The following DSCAM variants were observed in gnomAD, a reference collection of about 807,000 sequenced individuals.
The protein encoded by DSCAM is DS cell adhesion molecule.
Under a neutral mutation model 217.7 loss-of-function variants are expected in DSCAM, and 47 were observed. That is an observed-to-expected ratio of 0.22 (90% CI 0.17 to 0.28). The LOEUF (loss-of-function observed/expected upper bound fraction) is 0.28, where lower values mean the gene tolerates loss of function less well. DSCAM is among the 10% of genes least tolerant of loss of function. The pLI is 1.00. For synonymous variants in DSCAM, 1,056 were observed against 1,015.3 expected (o/e 1.04, Z -0.76); for missense variants, 2,080 against 2,618.3 (o/e 0.79, Z 4.49).
chr21:40,353,342 G>T, intron 5 of DSCAM, 123 bp downstream of exon 5: 1 of 1,313,206 alleles, frequency 7.6e-7, no homozygotes, highest in Non-Finnish European at 1.0e-6. Flanking sequence ...GGTTTCTGTT[G>T]ATCTCAGCTG....
Position 40,527,194 on chromosome 21 carries a change from G to GA in DSCAM, c.509-157950dup, listed in dbSNP as rs1282396174. 2.0e-5 allele frequency among the ~76,000 whole-genome samples: 3 copies of GA among 152,088 alleles called. 1 individual carries two copies. In the South Asian group the frequency reaches 6.2e-4, roughly 32 times the overall value. On this transcript the variant is annotated intron_variant, in intron 3 of 32. Coordinates refer to ENST00000400454, the MANE Select transcript of DSCAM (RefSeq NM_001389.5). ...AATGCTTCCAGCCACACTGCCTTCA[G>GA]ACAAAATCTACCCCATGTATGGTAG...
chr21:40,222,166 A>C (rs2091294101), intron 11 of DSCAM, among the ~76,000 whole-genome samples: 1 of 152,188 alleles, frequency 6.6e-6, no homozygotes, highest in African/African-American at 2.4e-5. Context: ...ATTCTTCACC[A>C]CATGCTTAAC....
In DSCAM at chr21:40,163,044, GTTTTA is replaced by G. The variant is rs570702064; in HGVS notation, c.3018+4169_3018+4173del. On this transcript the variant is annotated intron_variant, in intron 16 of 32. Coordinates refer to ENST00000400454, the MANE Select transcript of DSCAM (RefSeq NM_001389.5). ...TCATTAAATATTCTAAATAATGAATGTTTTATTTTATGAGTGACCATGGCAAACAC... is the reference window on the plus strand; with the variant it reads ...TCATTAAATATTCTAAATAATGAATGTTTTATGAGTGACCATGGCAAACAC... Among the ~76,000 whole-genome samples the G allele has an allele frequency of 2.2e-4, 33 of 149,910 alleles. No individual in the cohort carries two copies. In the East Asian group the frequency reaches 6.1e-3, roughly 28 times the overall value.
At chr21:40,651,479 G>A (rs546662638) in intron 3 of DSCAM, among the ~76,000 whole-genome samples, 20 of 152,240 alleles carry the variant, frequency 1.3e-4, no homozygotes, top group African/African-American at 4.3e-4. Flanking sequence ...TTTGCAAACC[G>A]TATATATTCT....
At chr21:40,611,996 A>G (rs934675012) in intron 3 of DSCAM, among the ~76,000 whole-genome samples, 1 of 152,156 alleles carries the variant, frequency 6.6e-6, no homozygotes, top group African/African-American at 2.4e-5. Flanking sequence ...GAAATAAAGG[A>G]TCAGTGGATT....
rs988371403 is a variant in DSCAM, at chr21:40,265,293, A to G, written c.2356+10804T>C. 3.3e-5 allele frequency among the ~76,000 whole-genome samples: 5 copies of G among 152,252 alleles called. No homozygotes were observed. In the East Asian group the frequency reaches 9.6e-4, roughly 29 times the overall value. ...AACACTTAATAAATATACTCTACCA[A>G]GGAGGTGAAAAGATCTCTAAAGGAG... is the stretch of plus-strand genomic sequence containing the variant. On this transcript the variant is annotated intron_variant, in intron 11 of 32. Transcript: ENST00000400454.
rs568147244 is a variant in DSCAM, at chr21:40,082,385, G to T, written c.4231+1523C>A. Among the ~76,000 whole-genome samples, 3 of 152,306 alleles carry T rather than the reference G, an allele frequency of 2.0e-5. No homozygotes were observed. The East Asian group carries it at 5.8e-4, about 29-fold the overall frequency. ...TGAGGCAGGAGAATCACTTGAACCC[G>T]GGAGGCAGAGGTTGCAGTGAGCCGA... On this transcript the variant is annotated intron_variant, in intron 24 of 32. Coordinates refer to ENST00000400454, the MANE Select transcript of DSCAM (RefSeq NM_001389.5).
In DSCAM at chr21:40,674,542, A is replaced by G. The variant is rs117219878; in HGVS notation, c.508+18268T>C. 1.3e-3 allele frequency among the ~76,000 whole-genome samples: 198 copies of G among 152,138 alleles called. 1 individual carries two copies. The highest frequency in any genetic ancestry group is 2.0e-3 in the Non-Finnish European group (136 of 68,018). ...CATCCCCCAGCTTCAGAAATTATCA[A>G]TTCAGGCTACAACCTCACCCCTGGC... On this transcript the variant is annotated intron_variant, in intron 3 of 32. Transcript: ENST00000400454.
At chr21:40,533,734 T>TATCCATCCATCCACCCATCC (rs2146115872) in intron 3 of DSCAM, among the ~76,000 whole-genome samples, 1 of 103,064 alleles carries the variant, frequency 9.7e-6, no homozygotes, top group Admixed American at 1.2e-4. Flanking sequence ...CCCACCCATC[T>TATCCATCCATCCACCCATCC]ATCCATCCAT....
intron 3 of DSCAM, among the ~76,000 whole-genome samples, chr21:40,595,058 G>A (rs1053588502): frequency 6.6e-6 from 1 of 152,184 alleles, no homozygotes; most frequent in African/African-American, 2.4e-5. Context: ...GTGCCACCAA[G>A]TGCAATTGTG....
intron 19 of DSCAM, among the ~76,000 whole-genome samples, chr21:40,131,337 C>T (rs978120012): frequency 6.6e-6 from 1 of 152,128 alleles, no homozygotes; most frequent in Non-Finnish European, 1.5e-5. Flanking sequence ...AATTCTTCAC[C>T]GTTTCTAAAT....
intron 3 of DSCAM, among the ~76,000 whole-genome samples, chr21:40,685,346 G>A (rs1406110252): frequency 2.0e-5 from 3 of 152,170 alleles, no homozygotes; most frequent in African/African-American, 7.2e-5. Flanking sequence ...ACCACCCTTA[G>A]AGTGGCTCAC....
At chr21:40,366,723 C>T (rs2123691979) in intron 4 of DSCAM, among the ~76,000 whole-genome samples, 1 of 152,132 alleles carries the variant, frequency 6.6e-6, no homozygotes, top group East Asian at 1.9e-4. Flanking sequence ...AAGGTTCCTG[C>T]AGGAGAGGAT....
chr21:40,342,641 TATATA>T (rs2074507719), intron 6 of DSCAM, among the ~76,000 whole-genome samples: 1 of 103,852 alleles, frequency 9.6e-6, no homozygotes, highest in African/African-American at 3.8e-5. Flanking sequence ...TATATATATA[TATATA>T]TATTTTTTTT....
chr21:40,391,679 G>C (rs1307771111), intron 3 of DSCAM, among the ~76,000 whole-genome samples: 1 of 152,176 alleles, frequency 6.6e-6, no homozygotes, highest in African/African-American at 2.4e-5. Flanking sequence ...TTCTCCTACA[G>C]TGTCCCACAT....
intron 18 of DSCAM, 59 bp downstream of exon 18, chr21:40,142,499 G>C: frequency 6.3e-7 from 1 of 1,597,820 alleles, no homozygotes; most frequent in East Asian, 2.2e-5. Context: ...GGAGGGGTCT[G>C]CAAATTCCAT....
chr21:40,014,111 G>A (rs1214628365), intron 32 of DSCAM, among the ~76,000 whole-genome samples: 5 of 152,258 alleles, frequency 3.3e-5, no homozygotes, highest in Non-Finnish European at 7.3e-5. Flanking sequence ...TCTGCTGGCT[G>A]GGCACGGTGT....
intron 22 of DSCAM, 122 bp from the exon 23 acceptor site, chr21:40,085,887 C>A: frequency 1.2e-6 from 1 of 850,764 alleles, no homozygotes; most frequent in Non-Finnish European, 1.6e-6. Flanking sequence ...ATATTTCTTG[C>A]ATTATGAAAG....
intron 16 of DSCAM, among the ~76,000 whole-genome samples, chr21:40,159,841 C>T (rs1160839740): frequency 6.6e-6 from 1 of 152,242 alleles, no homozygotes. Flanking sequence ...CCTTGGCTTC[C>T]CAAAATGCTG....
Sources: allele counts gnomAD v4.1 joint callset (sites outside exome capture counted in the v4.1 genomes callset), GRCh38; gene constraint gnomAD v4.1.1; transcripts MANE v1.5; gene names NCBI Gene and HGNC (gene_info 2026-07-23, HGNC 2026-07-21).